CTAGE1: variants seen among roughly 807,000 people sequenced by gnomAD.
The protein encoded by CTAGE1 is cTAGE family member 2.
For missense variants in CTAGE1, 963 were observed against 855.9 expected (o/e 1.13, Z -1.56); for synonymous variants, 332 against 302.8 (o/e 1.10, Z -1.00).
rs376319377 is a variant in CTAGE1, at chr18:22,417,628, G to T, written c.184C>A (p.Leu62Ile). ...LSGLIEEKCKLLEKFSLVQKE... is the reference protein window; with the variant it reads ...LSGLIEEKCKILEKFSLVQKE... Reference sequence around the variant, plus strand: ...TGAACAAGGCTAAATTTTTCAAGTAGTTTACATTTTTCTTCAATTAGTCCA... The same window carrying T: ...TGAACAAGGCTAAATTTTTCAAGTATTTTACATTTTTCTTCAATTAGTCCA... Residue 62 changes from leucine (L) to isoleucine (I), a missense_variant, in exon 1 of 1, where the codon CTA (leucine) becomes ATA (isoleucine). Physicochemically the swap from Leu to Ile is conservative, Grantham distance 5. Transcript: ENST00000391403. 12 of 1,613,848 alleles carry T rather than the reference G, an allele frequency of 7.4e-6. No individual in the cohort carries two copies. In the African/African-American group the frequency reaches 1.2e-4, roughly 16 times the overall value.
chr18:22,416,783 A>G lies in CTAGE1; in HGVS notation c.1029T>C (p.Ser343=), dbSNP rs545500925. Residue 343 remains serine (S), a synonymous_variant, in exon 1 of 1, where the codon AGT becomes AGC. Coordinates refer to ENST00000391403, the MANE Select transcript of CTAGE1 (RefSeq NM_172241.3). ...SLQSENTHFE[S]ENQKLQQKLK... ...GTTTCTGCTGAAGCTTCTGATTCTC[A>G]CTTTCAAAATGTGTGTTTTCTGACT... The G allele has an allele frequency of 6.2e-7, 1 of 1,612,362 alleles. No homozygotes were observed.
At position 22,415,871 on chromosome 18, in the gene CTAGE1, T is replaced by C. The variant is rs1879232204; in HGVS notation, c.1941A>G (p.Ser647=). The change falls in exon 1 of 1, where the codon TCA becomes TCG. Residue 647 remains serine, a synonymous_variant. Coordinates refer to ENST00000391403, the MANE Select transcript of CTAGE1 (RefSeq NM_172241.3). ...DNLGNLKVPD[S]SLPAENEATG... is the part of the protein sequence containing the mutation. ...TTGCTTCATTTTCAGCGGGGAGAGATGAATCAGGCACCTTTAAATTACCAA... is the reference window on the plus strand; with the variant it reads ...TTGCTTCATTTTCAGCGGGGAGAGACGAATCAGGCACCTTTAAATTACCAA... The C allele has an allele frequency of 6.2e-7, 1 of 1,613,838 alleles. No individual in the cohort carries two copies. Among genetic ancestry groups the C allele is most frequent in the African/African-American group, 1.3e-5 (1 of 74,896 alleles).
rs2034998518 is a variant in CTAGE1 at position 22,415,551 on chromosome 18, C to T, written c.*23G>A. On this transcript the variant is annotated 3_prime_UTR_variant, in exon 1 of 1. Transcript: ENST00000391403. ...AGGCTCATTTGAAGTCGGACTCAAC[C>T]CTGATGGAAACTCATTCTACCTTCA... The T allele has an allele frequency of 6.4e-7, 1 of 1,559,562 alleles. No homozygotes were observed. Among genetic ancestry groups the T allele is most frequent in the Non-Finnish European group, 8.7e-7 (1 of 1,151,898 alleles).
chr18:22,416,821 G>C lies in CTAGE1; in HGVS notation c.991C>G (p.Gln331Glu), dbSNP rs774264889. The C allele has an allele frequency of 6.2e-7, 1 of 1,612,602 alleles. No homozygotes were observed. The highest frequency in any genetic ancestry group is 1.1e-5 in the South Asian group (1 of 90,904). ...TEHIKNLQTE[Q>E]ASLQSENTHF... ...GTGTTTTCTGACTGCAAAGATGCTT[G>C]TTCAGTCTGAAGATTTTTAATATGC... The change falls in exon 1 of 1, where the codon CAA (glutamine) becomes GAA (glutamate). Residue 331 changes from glutamine to glutamate, a missense_variant. Physicochemically the swap from Gln to Glu is conservative, Grantham distance 29. Transcript: ENST00000391403.
rs1335731740 is a variant in CTAGE1, at chr18:22,416,143, C to A, written c.1669G>T (p.Ala557Ser). Residue 557 changes from alanine (A) to serine (S), a missense_variant, in exon 1 of 1, where the codon GCT (alanine) becomes TCT (serine). Ala to Ser is a moderately conservative substitution (Grantham distance 99). Coordinates refer to ENST00000391403, the MANE Select transcript of CTAGE1 (RefSeq NM_172241.3). ...SCDRLTDPHR[A>S]PSDAGPLAPP... ...GCCAGGGGCCCAGCGTCAGAAGGAG[C>A]CCTGTGAGGATCAGTTAACCTATCA... 6.8e-6 allele frequency: 11 copies of A among 1,613,814 alleles called. No individual in the cohort carries two copies. The highest frequency in any genetic ancestry group is 8.5e-6 in the Non-Finnish European group (10 of 1,179,878).
chr18:22,416,221 G>A lies in CTAGE1; in HGVS notation c.1591C>T (p.Pro531Ser). ...ATCTGATGGTCCGGAGGATTCCCTG[G>A]GCCTCTGGAGCCTCTTCCTCCTCCC... ...PRGGGRGSRG[P>S]GNPPDHQITK... Residue 531 changes from proline to serine, a missense_variant, in exon 1 of 1, where the codon CCA becomes TCA. Pro to Ser is a moderately conservative substitution (Grantham distance 74). Coordinates refer to ENST00000391403, the MANE Select transcript of CTAGE1 (RefSeq NM_172241.3). The A allele has an allele frequency of 6.2e-7, 1 of 1,613,854 alleles. No individual in the cohort carries two copies. The highest frequency in any genetic ancestry group is 1.1e-5 in the South Asian group (1 of 91,068).
rs1450585221 is a variant in CTAGE1, at chr18:22,417,675, TTC to T, written c.135_136del (p.Lys47ValfsTer10). On this transcript the variant is annotated frameshift_variant, in exon 1 of 1. Transcript: ENST00000391403. LOFTEE classifies it low-confidence loss of function (END_TRUNC). ...TCCAGAAAGTGCCACAGCAAACTTT[TTC>T]TCTCTTCTCACATAAAGCCGACTCG... 4 of 1,614,070 alleles carry T rather than the reference TTC, an allele frequency of 2.5e-6. No homozygotes were observed. Among genetic ancestry groups the T allele is most frequent in the Non-Finnish European group, 2.5e-6 (3 of 1,179,912 alleles).
In CTAGE1 at chr18:22,415,942, T is replaced by C. The variant is rs758726068; in HGVS notation, c.1870A>G (p.Met624Val). The change falls in exon 1 of 1, where the codon ATG becomes GTG. Residue 624 changes from methionine to valine, a missense_variant. Coordinates refer to ENST00000391403, the MANE Select transcript of CTAGE1 (RefSeq NM_172241.3). ...MPSLDKMDGSMPSEMESSRND... is the reference protein window; with the variant it reads ...MPSLDKMDGSVPSEMESSRND... Reference sequence around the variant, plus strand: ...CTACTGGATTCCATTTCTGAAGGCATTGACCCATCCATTTTATCCAAAGAA... The same window carrying C: ...CTACTGGATTCCATTTCTGAAGGCACTGACCCATCCATTTTATCCAAAGAA... 5.6e-6 allele frequency: 9 copies of C among 1,613,828 alleles called. No homozygotes were observed. In the Admixed American group the frequency reaches 8.3e-5, roughly 15 times the overall value.
rs758325773 is a variant in CTAGE1, at chr18:22,415,747, G to T, written c.2065C>A (p.Pro689Thr). 3 of 1,613,958 alleles carry T rather than the reference G, an allele frequency of 1.9e-6. No homozygotes were observed. The highest frequency in any genetic ancestry group is 1.7e-4 in the Middle Eastern group (1 of 6,042). Reference protein sequence around the residue: ...GPFIRRGPPFPPPPPGTVFGA... With the variant: ...GPFIRRGPPFTPPPPGTVFGA... ...AACACGGTTCCTGGAGGAGGTGGGG[G>T]GAAAGGAGGTCCTCTTCTTATGAAC... Residue 689 changes from proline to threonine, a missense_variant, in exon 1 of 1, where the codon CCC becomes ACC. Coordinates refer to ENST00000391403, the MANE Select transcript of CTAGE1 (RefSeq NM_172241.3).
In CTAGE1 at chr18:22,417,382, G is replaced by A; in HGVS notation, c.430C>T (p.Gln144Ter). The A allele has an allele frequency of 1.2e-6, 2 of 1,613,928 alleles. No individual in the cohort carries two copies. Among genetic ancestry groups the A allele is most frequent in the Non-Finnish European group, 1.7e-6 (2 of 1,179,842 alleles). The change falls in exon 1 of 1, where the codon CAG becomes TAG. Residue 144 changes from glutamine (Q) to a stop codon, truncating the protein, a stop_gained. Coordinates refer to ENST00000391403, the MANE Select transcript of CTAGE1 (RefSeq NM_172241.3). LOFTEE classifies it low-confidence loss of function (END_TRUNC). The part of the protein sequence containing the change: ...ELMADISKRI[Q>*]SLEDESKSLK... ...GATTTTGACTCATCTTCTAGCGACT[G>A]TATCCTTTTGGAAATATCCGCCATC...
rs755838798 is a variant in CTAGE1 at position 22,416,307 on chromosome 18, G to C, written c.1505C>G (p.Ala502Gly). The C allele has an allele frequency of 6.8e-6, 11 of 1,613,998 alleles. No individual in the cohort carries two copies. The African/African-American group carries it at 9.3e-5, about 14-fold the overall frequency. Residue 502 changes from alanine (A) to glycine (G), a missense_variant, in exon 1 of 1, where the codon GCT becomes GGT. Ala to Gly is a moderately conservative substitution (Grantham distance 60). Transcript: ENST00000391403. ...CAACAAAGTTGGAGGATAGAGAGAA[G>C]CTCTCGTTTCAGATGAAGGCCAACC... ...PLGWPSSETR[A>G]SLYPPTLLEG... is the part of the protein sequence containing the mutation.
rs536085387 is a variant in CTAGE1, at chr18:22,416,187, T to C, written c.1625A>G (p.Glu542Gly). 4 of 1,613,934 alleles carry C rather than the reference T, an allele frequency of 2.5e-6. No individual in the cohort carries two copies. The highest frequency in any genetic ancestry group is 3.4e-6 in the Non-Finnish European group (4 of 1,179,868). Residue 542 changes from glutamate (E) to glycine (G), a missense_variant, in exon 1 of 1, where the codon GAA becomes GGA. By Grantham distance (98) the Glu-to-Gly change is moderately conservative. Transcript: ENST00000391403. ...CCTATCACAGCTTGATTCTCCTCTT[T>C]CTTTGGTAATCTGATGGTCCGGAGG... ...GNPPDHQITK[E>G]RGESSCDRLT...
chr18:22,417,199 G>C lies in CTAGE1; in HGVS notation c.613C>G (p.Gln205Glu). ...LLQEAEVWKE[Q>E]VSELIKQKRT... The stretch of plus-strand genomic sequence containing the variant: ...TTCTGTTTAATAAGTTCACTCACTT[G>C]TTCTTTCCATACTTCAGCTTCTTGC... The change falls in exon 1 of 1, where the codon CAA (glutamine) becomes GAA (glutamate). Residue 205 changes from glutamine (Q) to glutamate (E), a missense_variant. Transcript: ENST00000391403. The C allele has an allele frequency of 6.2e-7, 1 of 1,613,868 alleles. No individual in the cohort carries two copies. Among genetic ancestry groups the C allele is most frequent in the Non-Finnish European group, 8.5e-7 (1 of 1,179,824 alleles).
At position 22,417,913 on chromosome 18, in the gene CTAGE1, T is replaced by A. The variant is rs2035036212; in HGVS notation, c.-102A>T. ...GGCTCCTCCGTAGCGCCAAGGCTGC[T>A]CTGGCGGTTGCTGCAGTAACCTCGG... On this transcript the variant is annotated 5_prime_UTR_variant, in exon 1 of 1. Transcript: ENST00000391403. The A allele has an allele frequency of 2.6e-6, 3 of 1,149,460 alleles. No individual in the cohort carries two copies. Among genetic ancestry groups the A allele is most frequent in the South Asian group, 1.4e-5 (1 of 73,408 alleles). 71.2% of individuals were successfully genotyped at this position (1,149,460 alleles called of 1,614,324 possible).
Position 22,417,481 on chromosome 18 carries a change from G to A in CTAGE1, c.331C>T (p.Leu111Phe), listed in dbSNP as rs374980447. 2 of 1,613,968 alleles carry A rather than the reference G, an allele frequency of 1.2e-6. No individual in the cohort carries two copies. The highest frequency in any genetic ancestry group is 1.7e-5 in the Admixed American group (1 of 60,020). ...TCTAGACAGAGTATTTCATGCACAA[G>A]TTCAGAATTGAACCTGTTCAGCTTT... The part of the protein sequence containing the change: ...CEKLNRFNSE[L>F]VHEILCLEKE... The change falls in exon 1 of 1, where the codon CTT (leucine) becomes TTT (phenylalanine). Residue 111 changes from leucine (L) to phenylalanine (F), a missense_variant. Transcript: ENST00000391403.
At position 22,417,518 on chromosome 18, in the gene CTAGE1, C is replaced by G. The variant is rs560943805; in HGVS notation, c.294G>C (p.Glu98Asp). ...EKEATEAQSL[E>D]ATCEKLNRFN... ...ACCTGTTCAGCTTTTCGCAGGTTGCCTCCAAACTTTGTGCTTCTGTTGCCT... is the reference window on the plus strand; with the variant it reads ...ACCTGTTCAGCTTTTCGCAGGTTGCGTCCAAACTTTGTGCTTCTGTTGCCT... Residue 98 changes from glutamate to aspartate, a missense_variant, in exon 1 of 1, where the codon GAG becomes GAC. Coordinates refer to ENST00000391403, the MANE Select transcript of CTAGE1 (RefSeq NM_172241.3). 10 of 1,613,974 alleles carry G rather than the reference C, an allele frequency of 6.2e-6. No individual in the cohort carries two copies. In the South Asian group the frequency reaches 9.9e-5, roughly 16 times the overall value.
At position 22,414,162 on chromosome 18, in the gene CTAGE1, G is replaced by A. The variant is rs1326748920; in HGVS notation, c.*1412C>T. The A allele has an allele frequency of 1.3e-5, 2 of 153,018 alleles. No homozygotes were observed. The highest frequency in any genetic ancestry group is 2.9e-5 in the Non-Finnish European group (2 of 68,736). 9.5% of individuals were successfully genotyped at this position (153,018 alleles called of 1,614,324 possible). A position where few individuals can be genotyped will look rare whatever the true frequency, so the allele number is the denominator to read the frequency against. On this transcript the variant is annotated 3_prime_UTR_variant, in exon 1 of 1. Coordinates refer to ENST00000391403, the MANE Select transcript of CTAGE1 (RefSeq NM_172241.3). ...CAACAGTGAAGGAAGAAACCACTAG[G>A]CTTACCATTCTATTTTTCTCTCACT...
chr18:22,414,044 A>C lies in CTAGE1; in HGVS notation c.*1530T>G, dbSNP rs2034980208. 6.6e-6 allele frequency: 1 copy of C among 152,236 alleles called. No homozygotes were observed. Among genetic ancestry groups the C allele is most frequent in the Non-Finnish European group, 1.5e-5 (1 of 68,036 alleles). 9.4% of individuals were successfully genotyped at this position (152,236 alleles called of 1,614,324 possible). A position where few individuals can be genotyped will look rare whatever the true frequency, so the allele number is the denominator to read the frequency against. Reference sequence around the variant, plus strand: ...ATCTTGCAATTCCCACCTAACTTCCATTCTGGGAGTGAGATATGCTACCCA... The same window carrying C: ...ATCTTGCAATTCCCACCTAACTTCCCTTCTGGGAGTGAGATATGCTACCCA... On this transcript the variant is annotated 3_prime_UTR_variant, in exon 1 of 1. Coordinates refer to ENST00000391403, the MANE Select transcript of CTAGE1 (RefSeq NM_172241.3).
chr18:22,414,514 G>A lies in CTAGE1; in HGVS notation c.*1060C>T. The A allele has an allele frequency of 1.7e-6, 1 of 591,720 alleles. No individual in the cohort carries two copies. Among genetic ancestry groups the A allele is most frequent in the East Asian group, 2.8e-5 (1 of 35,916 alleles). The allele number at this position is 591,720 out of a possible 1,614,324, so 36.7% of individuals were successfully genotyped here. Reference sequence around the variant, plus strand: ...GGCTTGGTGGCCCAGCTTGCATGAAGGACTAATCCAAAATTTGAGGGCGTC... The same window carrying A: ...GGCTTGGTGGCCCAGCTTGCATGAAAGACTAATCCAAAATTTGAGGGCGTC... On this transcript the variant is annotated 3_prime_UTR_variant, in exon 1 of 1. Transcript: ENST00000391403.
Sources: allele counts gnomAD v4.1 joint callset, GRCh38; gene constraint gnomAD v4.1.1; transcripts MANE v1.5; gene names NCBI Gene and HGNC (gene_info 2026-07-23, HGNC 2026-07-21).